Variants in ST18 observed in about 807,000 individuals in gnomAD.
The protein encoded by ST18 is suppression of tumorigenicity 18 protein.
Under a neutral mutation model 110.0 loss-of-function variants are expected in ST18, and 50 were observed. That is an observed-to-expected ratio of 0.45 (90% CI 0.36 to 0.58). ST18 has a LOEUF of 0.58. Among genes scored for constraint, ST18 ranks in the 20% least tolerant of loss-of-function variants. The pLI is 0.00. For synonymous variants in ST18, 461 were observed against 452.4 expected (o/e 1.02, Z -0.24); for missense variants, 1,306 against 1,280.1 (o/e 1.02, Z -0.31).
At chr8:52,206,980 T>C (rs1187107861) in intron 8 of ST18, among the ~76,000 whole-genome samples, 1 of 152,216 alleles carries the variant, frequency 6.6e-6, no homozygotes, top group African/African-American at 2.4e-5. Flanking sequence ...CTTTTTTCTT[T>C]AGTTATCACC....
At chr8:52,392,741 G>A (rs79116355) in intron 2 of ST18, among the ~76,000 whole-genome samples, 3,597 of 152,276 alleles carry the variant, frequency 0.024, 164 homozygotes, top group African/African-American at 0.083. Flanking sequence ...ACACCCTCTA[G>A]AGGTTTCTCA....
At chr8:52,262,891 G>A (rs550490960) in intron 2 of ST18, among the ~76,000 whole-genome samples, 1 of 152,290 alleles carries the variant, frequency 6.6e-6, no homozygotes, top group Admixed American at 6.5e-5. Context: ...GACATCATTT[G>A]CAAGGCATAA....
intron 17 of ST18, among the ~76,000 whole-genome samples, chr8:52,139,365 AT>A (rs1563633430): frequency 1.3e-5 from 2 of 149,726 alleles, no homozygotes; most frequent in African/African-American, 2.4e-5. Flanking sequence ...TTTATTTTTT[AT>A]TTTTTTTGAG....
chr8:52,291,764 T>G (rs532630308), intron 2 of ST18, among the ~76,000 whole-genome samples: 5 of 152,238 alleles, frequency 3.3e-5, no homozygotes, highest in African/African-American at 9.6e-5. Context: ...AGGTTTTTTT[T>G]TGTTTTTTTT....
chr8:52,129,978 G>A (rs2048567469), intron 22 of ST18, among the ~76,000 whole-genome samples: 1 of 151,914 alleles, frequency 6.6e-6, no homozygotes, highest in Non-Finnish European at 1.5e-5. Flanking sequence ...TGGGGAGGCA[G>A]AGGTTGCAGT....
At chr8:52,213,283 C>T (rs1329982242) in intron 7 of ST18, among the ~76,000 whole-genome samples, 1 of 152,118 alleles carries the variant, frequency 6.6e-6, no homozygotes, top group Non-Finnish European at 1.5e-5. Context: ...TGTTGGGATT[C>T]TGGACTTTGC....
chr8:52,386,808 G>T (rs1160151687), intron 2 of ST18, among the ~76,000 whole-genome samples: 1 of 152,094 alleles, frequency 6.6e-6, no homozygotes, highest in African/African-American at 2.4e-5. Context: ...TCAATTTGAA[G>T]ACCAGAAAAC....
intron 8 of ST18, among the ~76,000 whole-genome samples, chr8:52,183,310 A>C (rs1019571412): frequency 1.3e-4 from 20 of 152,202 alleles, no homozygotes; most frequent in African/African-American, 4.8e-4. Flanking sequence ...AACACCTTGC[A>C]AAGTAATAAA....
At chr8:52,291,272 AC>A (rs549891039) in intron 2 of ST18, among the ~76,000 whole-genome samples, 5 of 152,200 alleles carry the variant, frequency 3.3e-5, no homozygotes, top group Non-Finnish European at 5.9e-5. Context: ...GGCATGTCAC[AC>A]AGGCTGTTTC....
At chr8:52,149,646 G>A in intron 16 of ST18, 86 bp downstream of exon 16, 1 of 1,496,180 alleles carries the variant, frequency 6.7e-7, no homozygotes, top group South Asian at 1.4e-5. Context: ...AAACAGGAAT[G>A]TGAAATATAA....
At chr8:52,358,553 GA>G (rs1436857485) in intron 2 of ST18, among the ~76,000 whole-genome samples, 3 of 151,854 alleles carry the variant, frequency 2.0e-5, no homozygotes, top group Non-Finnish European at 4.4e-5. Flanking sequence ...AGAATTGCAA[GA>G]AAATAGTTTG....
chr8:52,119,631 C>A (rs1281370721), intron 23 of ST18, among the ~76,000 whole-genome samples: 1 of 152,140 alleles, frequency 6.6e-6, no homozygotes, highest in African/African-American at 2.4e-5. Context: ...TGGTTGCACA[C>A]AGGAAGCATG....
chr8:52,285,691 A>G (rs183198859), intron 2 of ST18, among the ~76,000 whole-genome samples: 1 of 152,330 alleles, frequency 6.6e-6, no homozygotes, highest in Admixed American at 6.5e-5. Context: ...GAAATGATGG[A>G]CACCCTGCTG....
In ST18 at chr8:52,152,407, A is replaced by G. The variant is rs148816250; in HGVS notation, c.1807-2430T>C. 3.4e-3 allele frequency among the ~76,000 whole-genome samples: 516 copies of G among 152,262 alleles called. 3 individuals carry two copies. The highest frequency in any genetic ancestry group is 0.017 in the Middle Eastern group (5 of 294). On this transcript the variant is annotated intron_variant, in intron 15 of 25. Coordinates refer to ENST00000689386, the MANE Select transcript of ST18 (RefSeq NM_001352837.2). The stretch of plus-strand genomic sequence containing the variant: ...GCATCCCCCACCCCCTCAATCTTCT[A>G]ATATTCTGATTTCTTCAAGTGCTAT...
chr8:52,345,029 C>T (rs1202670443), intron 2 of ST18, among the ~76,000 whole-genome samples: 2 of 152,138 alleles, frequency 1.3e-5, no homozygotes, highest in Non-Finnish European at 2.9e-5. Context: ...AGTTTATGTG[C>T]TTGGCTGATA....
chr8:52,237,348 C>T (rs2092823134), intron 2 of ST18, among the ~76,000 whole-genome samples: 1 of 152,070 alleles, frequency 6.6e-6, no homozygotes, highest in Non-Finnish European at 1.5e-5. Flanking sequence ...AAAAAATATT[C>T]TTTTTTATTA....
rs753164442 is a variant in ST18, at chr8:52,166,892, G to C, written c.1164C>G (p.Ser388Arg). Residue 388 changes from serine (S) to arginine (R), a missense_variant, in exon 11 of 26, where the codon AGC becomes AGG. Ser to Arg is a moderately radical substitution (Grantham distance 110). Coordinates refer to ENST00000689386, the MANE Select transcript of ST18 (RefSeq NM_001352837.2). ...GCACTTTGTGGGGGCACCCCGAAAG[G>C]CTGCGGTGGTGCGGGTAGAGCCCTG... ...HVTGLYPHHR[S>R]LSGCPHKVRV... 1.9e-6 allele frequency: 3 copies of C among 1,606,752 alleles called. No individual in the cohort carries two copies. Among genetic ancestry groups the C allele is most frequent in the East Asian group, 2.2e-5 (1 of 44,614 alleles).
At chr8:52,161,934 G>A (rs1380846471) in intron 13 of ST18, among the ~76,000 whole-genome samples, 1 of 152,232 alleles carries the variant, frequency 6.6e-6, no homozygotes, top group Non-Finnish European at 1.5e-5. Context: ...TGTCAGGTGG[G>A]TGCGGTGGCT....
intron 10 of ST18, among the ~76,000 whole-genome samples, chr8:52,169,954 G>T (rs990565465): frequency 2.0e-5 from 3 of 150,662 alleles, no homozygotes; most frequent in Non-Finnish European, 3.0e-5. Context: ...CTGAATTTTT[G>T]AAAACAAAAA....
Sources: allele counts gnomAD v4.1 joint callset (sites outside exome capture counted in the v4.1 genomes callset), GRCh38; gene constraint gnomAD v4.1.1; transcripts MANE v1.5; gene names NCBI Gene and HGNC (gene_info 2026-07-23, HGNC 2026-07-21).